The following PCDHA5 variants were observed in gnomAD, a reference collection of about 807,000 sequenced individuals.
The protein encoded by PCDHA5 is protocadherin alpha-5.
A neutral mutation model predicts 61.6 loss-of-function variants in PCDHA5; 43 were observed. The observed-to-expected ratio is 0.70, with a 90% CI of 0.55 to 0.90. The LOEUF (loss-of-function observed/expected upper bound fraction) is 0.90, where lower values mean the gene tolerates loss of function less well. PCDHA5 is among the 40% of genes least tolerant of loss of function. PCDHA5 has a pLI of 0.00. For missense variants in PCDHA5, 1,298 were observed against 1,222.7 expected (o/e 1.06, Z -0.92); for synonymous variants, 627 against 543.9 (o/e 1.15, Z -2.13).
At chr5:140,846,591 G>A (rs1236842497) in intron 1 of PCDHA5, among the ~76,000 whole-genome samples, 3 of 148,580 alleles carry the variant, frequency 2.0e-5, no homozygotes, top group African/African-American at 7.4e-5. Context: ...AGCCAGGATG[G>A]TCTCGATCTC....
intron 1 of PCDHA5, among the ~76,000 whole-genome samples, chr5:140,969,719 T>G (rs1448594057): frequency 7.9e-5 from 12 of 152,220 alleles, no homozygotes; most frequent in Non-Finnish European, 1.5e-4. Flanking sequence ...AGGGAAATTT[T>G]TCTTTTGAAA....
At chr5:140,944,077 G>A (rs913476675) in intron 1 of PCDHA5, among the ~76,000 whole-genome samples, 1 of 152,204 alleles carries the variant, frequency 6.6e-6, no homozygotes, top group Non-Finnish European at 1.5e-5. Context: ...TAAAGATAAA[G>A]GAGGCCTGAG....
chr5:141,011,221 A>G lies in PCDHA5; in HGVS notation c.*1284A>G, dbSNP rs1392607276. On this transcript the variant is annotated 3_prime_UTR_variant, in exon 4 of 4. Coordinates refer to ENST00000529859, the MANE Select transcript of PCDHA5 (RefSeq NM_018908.3). ...TCTCATACAGTGAGCAGATTTTTCA[A>G]TCTACTAATTCTGTGACTTGTCTTG... is the stretch of plus-strand genomic sequence containing the variant. The G allele has an allele frequency of 1.3e-5, 2 of 153,780 alleles. No individual in the cohort carries two copies. The highest frequency in any genetic ancestry group is 4.8e-5 in the African/African-American group (2 of 41,464). 9.5% of individuals were successfully genotyped at this position (153,780 alleles called of 1,614,324 possible).
At chr5:140,937,039 CTT>C (rs34994034) in intron 1 of PCDHA5, among the ~76,000 whole-genome samples, 9 of 140,130 alleles carry the variant, frequency 6.4e-5, no homozygotes, top group Admixed American at 7.1e-5. Context: ...TTCCATTTAT[CTT>C]TTTTTTTTTT....
At chr5:140,936,875 C>A (rs1052156307) in intron 1 of PCDHA5, among the ~76,000 whole-genome samples, 1 of 151,950 alleles carries the variant, frequency 6.6e-6, no homozygotes, top group South Asian at 2.1e-4. Context: ...TTTAAAAAAC[C>A]CTGCTTTGAT....
At chr5:140,989,598 TA>T (rs1554250927) in intron 3 of PCDHA5, among the ~76,000 whole-genome samples, 1 of 152,144 alleles carries the variant, frequency 6.6e-6, no homozygotes, top group Non-Finnish European at 1.5e-5. Flanking sequence ...CTGACACAAG[TA>T]AACTAAAAAT....
rs2150349666 is a variant in PCDHA5, at chr5:140,842,999, G to T, written c.2352+18872G>T. ...GCAGGTGTTCGTGCTGGACGAGAAT[G>T]ACAACGCGCCGGCACTGCTGGAGCC... On this transcript the variant is annotated intron_variant, in intron 1 of 3. Coordinates refer to ENST00000529859, the MANE Select transcript of PCDHA5 (RefSeq NM_018908.3). The T allele has an allele frequency of 6.3e-5, 100 of 1,594,954 alleles. 9 individuals carry two copies. In the Admixed American group the frequency reaches 1.7e-3, roughly 27 times the overall value.
chr5:140,970,834 T>C lies in PCDHA5; in HGVS notation c.2353-8115T>C, dbSNP rs566411727. 8.6e-5 allele frequency among the ~76,000 whole-genome samples: 13 copies of C among 151,290 alleles called. No homozygotes were observed. The South Asian group carries it at 1.2e-3, about 14-fold the overall frequency. ...AAGTTCATGGTAATCTTGAGGAATG[T>C]AATGCACAGGCACAAAAGTTCCATT... On this transcript the variant is annotated intron_variant, in intron 1 of 3. Transcript: ENST00000529859.
chr5:140,842,894 C>T, intron 1 of PCDHA5: 1 of 1,594,372 alleles, frequency 6.3e-7, no homozygotes, highest in Non-Finnish European at 8.6e-7. Flanking sequence ...GCCGCTGGAC[C>T]ACGAGGAGCT....
chr5:140,835,133 A>G, intron 1 of PCDHA5: 2 of 1,375,436 alleles, frequency 1.5e-6, no homozygotes, highest in Non-Finnish European at 2.0e-6. Flanking sequence ...ATACGGTGAA[A>G]TTACCAGAAA....
intron 1 of PCDHA5, among the ~76,000 whole-genome samples, chr5:140,937,158 C>T (rs969335051): frequency 2.6e-5 from 4 of 151,874 alleles, no homozygotes; most frequent in Non-Finnish European, 4.4e-5. Context: ...CTGCCTCAGC[C>T]TCCCGAGTAG....
intron 1 of PCDHA5, among the ~76,000 whole-genome samples, chr5:140,945,121 C>T (rs1412218992): frequency 6.6e-6 from 1 of 152,042 alleles, no homozygotes; most frequent in East Asian, 1.9e-4. Context: ...GATAAAAAAT[C>T]AACTTACAAA....
intron 1 of PCDHA5, chr5:140,876,573 C>T (rs2056433061): frequency 6.2e-7 from 1 of 1,614,152 alleles, no homozygotes; most frequent in South Asian, 1.1e-5. Context: ...AGGTGGGTAC[C>T]GTCATTGCCC....
intron 1 of PCDHA5, chr5:140,878,013 G>A (rs1554170262): frequency 2.4e-6 from 2 of 839,000 alleles, no homozygotes; most frequent in South Asian, 2.6e-5. Context: ...TAACATTAAT[G>A]AAGGAAATAT....
At chr5:141,000,833 G>A (rs1554257850) in intron 3 of PCDHA5, among the ~76,000 whole-genome samples, 2 of 151,930 alleles carry the variant, frequency 1.3e-5, no homozygotes, top group Non-Finnish European at 2.9e-5. Flanking sequence ...CTTGAGTCCA[G>A]GAGATCCAGT....
chr5:140,876,031 G>T (rs1554168208), intron 1 of PCDHA5: 1 of 1,613,702 alleles, frequency 6.2e-7, no homozygotes. Flanking sequence ...AACAAAAAAA[G>T]ATAAAAGTAT....
intron 1 of PCDHA5, chr5:140,841,538 G>C (rs1488596274): frequency 9.3e-6 from 15 of 1,613,608 alleles, no homozygotes; most frequent in Admixed American, 1.7e-5. Context: ...AAGACACCGG[G>C]ACCTTCTGGA....
intron 1 of PCDHA5, chr5:140,828,730 A>G (rs2150158327): frequency 1.2e-6 from 2 of 1,614,250 alleles, no homozygotes; most frequent in Non-Finnish European, 1.7e-6. Context: ...TATTCCTGAC[A>G]GCCACAGATG....
chr5:140,897,037 AC>A (rs1300892291), intron 1 of PCDHA5, among the ~76,000 whole-genome samples: 1 of 152,074 alleles, frequency 6.6e-6, no homozygotes, highest in Non-Finnish European at 1.5e-5. Flanking sequence ...GACCATAGTC[AC>A]CCTATTCTGC....
Sources: gnomAD v4.1 joint callset for allele counts (sites outside exome capture counted in the v4.1 genomes callset) on GRCh38, gnomAD v4.1.1 for gene constraint, MANE v1.5 for transcripts, NCBI Gene and HGNC (gene_info 2026-07-23, HGNC 2026-07-21) for gene names.